Variants in TMEM233 observed in about 807,000 individuals in gnomAD.
The protein encoded by TMEM233 is dispanin subfamily B member 2.
TMEM233 carries 6 observed loss-of-function variants against 11.2 expected under a neutral mutation model. That is an observed-to-expected ratio of 0.54 (90% confidence interval 0.29 to 1.06). The LOEUF is 1.06. Among genes scored for constraint, TMEM233 ranks in the 50% least tolerant of loss-of-function variants. The pLI is 0.08. For missense variants in TMEM233, 127 were observed against 144.7 expected (o/e 0.88, Z 0.63); for synonymous variants, 59 against 55.8 (o/e 1.06, Z -0.26).
intron 1 of TMEM233, among the ~76,000 whole-genome samples, chr12:119,612,623 G>A (rs1292419587): frequency 6.6e-6 from 1 of 151,856 alleles, no homozygotes; most frequent in African/African-American, 2.4e-5. Context: ...GTGGTGGCGG[G>A]CACCTGTAGT....
intron 1 of TMEM233, among the ~76,000 whole-genome samples, chr12:119,621,053 T>A (rs1686610283): frequency 6.6e-6 from 1 of 151,016 alleles, no homozygotes; most frequent in African/African-American, 2.4e-5. Context: ...GCTTTTTTTT[T>A]TTTTTTTTTT....
At chr12:119,643,844 G>GA (rs1408241868), downstream of TMEM233, among the ~76,000 whole-genome samples, 4 of 152,076 alleles carry the variant, frequency 2.6e-5, no homozygotes, top group African/African-American at 9.7e-5. Context: ...AAATAGAGCA[G>GA]AAAAAGTAGA....
chr12:119,642,572 T>C lies in TMEM233; in HGVS notation c.*1867T>C, dbSNP rs1955099159. 4 of 152,204 alleles carry C rather than the reference T, an allele frequency of 2.6e-5. No individual in the cohort carries two copies. Among genetic ancestry groups the C allele is most frequent in the African/African-American group, 4.8e-5 (2 of 41,456 alleles). 9.4% of individuals were successfully genotyped at this position (152,204 alleles called of 1,614,324 possible). ...CCCTTTTGTTTTTGCAGGGTTTTTA[T>C]TGGCCACTAACTAGCTATGCAAGCT... On this transcript the variant is annotated 3_prime_UTR_variant, in exon 3 of 3. Transcript: ENST00000426426.
the TMEM233 span, among the ~76,000 whole-genome samples, chr12:119,652,629 G>A: frequency 6.6e-6 from 1 of 152,162 alleles, no homozygotes; most frequent in Non-Finnish European, 1.5e-5. Flanking sequence ...GAAATTTGAT[G>A]AGAGAAATCC....
intron 1 of TMEM233, among the ~76,000 whole-genome samples, 179 bp from the exon 2 acceptor site, chr12:119,629,557 G>T (rs1475346359): frequency 6.6e-6 from 1 of 152,192 alleles, no homozygotes; most frequent in Non-Finnish European, 1.5e-5. Flanking sequence ...CATCCTTAGA[G>T]TTTAGGGAAG....
downstream of TMEM233, among the ~76,000 whole-genome samples, chr12:119,647,607 CT>C (rs1036934438): frequency 3.3e-5 from 5 of 152,014 alleles, no homozygotes; most frequent in African/African-American, 9.7e-5. Flanking sequence ...AAAATCCAAA[CT>C]TTTTTTTATT....
At chr12:119,628,662 G>T (rs549591635) in intron 1 of TMEM233, among the ~76,000 whole-genome samples, 1 of 151,836 alleles carries the variant, frequency 6.6e-6, no homozygotes, top group Admixed American at 6.6e-5. Flanking sequence ...ACCACGCCCG[G>T]CTAATTTTTT....
At chr12:119,623,645 A>G (rs1418611607) in intron 1 of TMEM233, among the ~76,000 whole-genome samples, 3 of 152,074 alleles carry the variant, frequency 2.0e-5, no homozygotes, top group Admixed American at 2.0e-4. Context: ...ACTCTCCCCA[A>G]AGATCCAGCA....
At chr12:119,627,552 C>T (rs921756124) in intron 1 of TMEM233, among the ~76,000 whole-genome samples, 2 of 152,086 alleles carry the variant, frequency 1.3e-5, no homozygotes, top group African/African-American at 2.4e-5. Flanking sequence ...AGCAAGAGAA[C>T]GATGCCAGGC....
At chr12:119,628,492 CTTTTTTTTTTT>C in intron 1 of TMEM233, among the ~76,000 whole-genome samples, 1 of 52,444 alleles carries the variant, frequency 1.9e-5, no homozygotes, top group East Asian at 5.3e-4. Flanking sequence ...CCAGCTCACT[CTTTTTTTTTTT>C]TTTTTTTTTT....
In TMEM233 at chr12:119,642,761, T is replaced by C. The variant is rs975239987; in HGVS notation, c.*2056T>C. ...GGGAGAATTCTAAGTACTATACCAA[T>C]ACAAATTTCAGCATTTTTTCATATA... On this transcript the variant is annotated 3_prime_UTR_variant, in exon 3 of 3. Coordinates refer to ENST00000426426, the MANE Select transcript of TMEM233 (RefSeq NM_001136534.3). 1.3e-5 allele frequency: 2 copies of C among 150,166 alleles called. No homozygotes were observed. The highest frequency in any genetic ancestry group is 2.9e-5 in the Non-Finnish European group (2 of 67,818). 9.3% of individuals were successfully genotyped at this position (150,166 alleles called of 1,614,324 possible).
intron 1 of TMEM233, among the ~76,000 whole-genome samples, chr12:119,607,669 T>G (rs1321992219): frequency 6.6e-6 from 1 of 150,846 alleles, no homozygotes; most frequent in African/African-American, 2.4e-5. Flanking sequence ...AGTGCAGTGG[T>G]GCAAAAATGG....
chr12:119,594,285 C>T lies in TMEM233; in HGVS notation c.186+251C>T. ...AAGCTTCCCCCAGGCTAGCTTTCCT[C>T]TTCTTTCCAGCTCCCAGGGTGCGTT... is the stretch of plus-strand genomic sequence containing the variant. On this transcript the variant is annotated intron_variant, in intron 1 of 2. Transcript: ENST00000426426. This position sits in a 1 kb window ranked among gnomAD's most constrained non-coding sequence, Gnocchi z 5.6. The T allele has an allele frequency of 4.2e-6, 2 of 473,476 alleles. No homozygotes were observed. Among genetic ancestry groups the T allele is most frequent in the Non-Finnish European group, 7.5e-6 (2 of 267,396 alleles). 29.3% of individuals were successfully genotyped at this position (473,476 alleles called of 1,614,324 possible). A position where few individuals can be genotyped will look rare whatever the true frequency, so the allele number is the denominator to read the frequency against.
At chr12:119,624,205 C>A (rs554892195) in intron 1 of TMEM233, among the ~76,000 whole-genome samples, 2,470 of 148,882 alleles carry the variant, frequency 0.017, 60 homozygotes, top group African/African-American at 0.057. Flanking sequence ...AAAAAAAAAA[C>A]AAAAATTAGC....
chr12:119,640,727 G>A lies in TMEM233; in HGVS notation c.*22G>A, dbSNP rs757867015. ...CTGAGGAACCAGCGGTCAGTGGGCT[G>A]TGAGCGTGGAGGATGGACCTCATCC... On this transcript the variant is annotated 3_prime_UTR_variant, in exon 3 of 3. Transcript: ENST00000426426. 1.8e-5 allele frequency: 28 copies of A among 1,550,840 alleles called. No individual in the cohort carries two copies. The East Asian group carries it at 6.1e-4, about 34-fold the overall frequency.
intron 1 of TMEM233, among the ~76,000 whole-genome samples, chr12:119,612,943 C>G (rs1413079422): frequency 6.6e-6 from 1 of 151,758 alleles, no homozygotes; most frequent in Non-Finnish European, 1.5e-5. Context: ...AAGAGGAAAA[C>G]TAAGGTTTTT....
intron 1 of TMEM233, among the ~76,000 whole-genome samples, chr12:119,628,656 C>G (rs748794799): frequency 2.6e-5 from 4 of 152,018 alleles, no homozygotes; most frequent in Non-Finnish European, 2.9e-5. Flanking sequence ...CCCGCCACCA[C>G]GCCCGGCTAA....
In TMEM233 at chr12:119,625,460, C is replaced by T. The variant is rs1256094831; in HGVS notation, c.187-4276C>T. ...TCATAGCTCACTGCAGCCTCAAACT[C>T]GTGGGCTCAGGTGATCCTGCCACCT... is the stretch of plus-strand genomic sequence containing the variant. On this transcript the variant is annotated intron_variant, in intron 1 of 2. Transcript: ENST00000426426. 5.3e-5 allele frequency among the ~76,000 whole-genome samples: 8 copies of T among 150,834 alleles called. 1 individual carries two copies. Among genetic ancestry groups the T allele is most frequent in the African/African-American group, 1.7e-4 (7 of 40,974 alleles).
chr12:119,604,172 G>T (rs1311238083), intron 1 of TMEM233, among the ~76,000 whole-genome samples: 3 of 152,214 alleles, frequency 2.0e-5, no homozygotes, highest in African/African-American at 4.8e-5. Flanking sequence ...AGGTCTTCAA[G>T]TTCAAGAATT....
Sources: allele counts gnomAD v4.1 joint callset (sites outside exome capture counted in the v4.1 genomes callset), GRCh38; gene constraint gnomAD v4.1.1; non-coding constraint Gnocchi (gnomAD v3.1); transcripts MANE v1.5; gene names NCBI Gene and HGNC (gene_info 2026-07-23, HGNC 2026-07-21).